The following CFAP299 variants were observed in gnomAD, a reference collection of about 807,000 sequenced individuals.
CFAP299 encodes the protein cilia- and flagella-associated protein 299.
A neutral mutation model predicts 27.0 loss-of-function variants in CFAP299; 21 were observed. The observed-to-expected ratio is 0.78, with a 90% CI of 0.55 to 1.12. The LOEUF (loss-of-function observed/expected upper bound fraction) is 1.12, where lower values mean the gene tolerates loss of function less well. Among genes scored for constraint, CFAP299 ranks in the 50% most tolerant of loss-of-function variants. The pLI, the probability that CFAP299 is intolerant of heterozygous loss-of-function variation, is 0.00. For missense variants in CFAP299, 310 were observed against 276.6 expected (o/e 1.12, Z -0.86); for synonymous variants, 104 against 98.1 (o/e 1.06, Z -0.36).
intron 3 of CFAP299, among the ~76,000 whole-genome samples, chr4:80,631,270 T>A (rs1346660426): frequency 1.3e-5 from 2 of 152,052 alleles, no homozygotes; most frequent in Non-Finnish European, 2.9e-5. Flanking sequence ...TTTGTTGGTA[T>A]AGCATTATAT....
intron 2 of CFAP299, among the ~76,000 whole-genome samples, chr4:80,507,920 C>T (rs1732113432): frequency 6.6e-6 from 1 of 152,160 alleles, no homozygotes; most frequent in South Asian, 2.1e-4. Flanking sequence ...TATCTTCATA[C>T]TATACACTGT....
chr4:80,764,190 TATA>T (rs960734199), intron 3 of CFAP299, among the ~76,000 whole-genome samples: 7 of 152,158 alleles, frequency 4.6e-5, no homozygotes, highest in Non-Finnish European at 8.8e-5. Flanking sequence ...AGAAAAATTT[TATA>T]ATCTATCCAT....
At chr4:80,401,718 T>C (rs886206820) in intron 2 of CFAP299, among the ~76,000 whole-genome samples, 7 of 152,202 alleles carry the variant, frequency 4.6e-5, no homozygotes, top group Non-Finnish European at 1.0e-4. Context: ...ACTGGGTCAC[T>C]GCCTAGTGGA....
intron 2 of CFAP299, among the ~76,000 whole-genome samples, chr4:80,439,914 A>G (rs961329759): frequency 9.9e-5 from 15 of 152,140 alleles, no homozygotes; most frequent in Admixed American, 7.2e-4. Flanking sequence ...TTTTCTTCTC[A>G]CAGTGTAAAC....
At chr4:80,496,270 G>A (rs889953643) in intron 2 of CFAP299, among the ~76,000 whole-genome samples, 2 of 152,138 alleles carry the variant, frequency 1.3e-5, no homozygotes, top group Admixed American at 6.6e-5. Context: ...CTGCAGATGA[G>A]TAGAGTGTGT....
intron 2 of CFAP299, among the ~76,000 whole-genome samples, chr4:80,471,025 A>G (rs563469985): frequency 6.6e-6 from 1 of 152,276 alleles, no homozygotes; most frequent in African/African-American, 2.4e-5. Context: ...GTATTGAGTC[A>G]TGTAATTATC....
chr4:80,689,782 T>C (rs1720523825), intron 3 of CFAP299, among the ~76,000 whole-genome samples: 1 of 152,184 alleles, frequency 6.6e-6, no homozygotes, highest in Non-Finnish European at 1.5e-5. Flanking sequence ...ATCAGTGTGC[T>C]GTATTCAGGA....
intron 3 of CFAP299, among the ~76,000 whole-genome samples, chr4:80,742,117 C>T (rs567588546): frequency 6.6e-6 from 1 of 152,292 alleles, no homozygotes; most frequent in Admixed American, 6.5e-5. Context: ...TCCTGCCCTC[C>T]TCAATGACTC....
At position 80,468,180 on chromosome 4, in the gene CFAP299, G is replaced by A. The variant is rs540425586; in HGVS notation, c.242+105296G>A. Among the ~76,000 whole-genome samples, 15 of 151,948 alleles carry A rather than the reference G, an allele frequency of 9.9e-5. No individual in the cohort carries two copies. The East Asian group carries it at 2.9e-3, about 29-fold the overall frequency. ...TCCGGATTTTTTACTTATAAAGTAA[G>A]ATTGAGCAAAGAAAATATTAAAATA... On this transcript the variant is annotated intron_variant, in intron 2 of 5. Transcript: ENST00000358105.
intron 3 of CFAP299, among the ~76,000 whole-genome samples, chr4:80,859,118 G>A (rs1413518010): frequency 6.6e-6 from 1 of 152,122 alleles, no homozygotes; most frequent in Non-Finnish European, 1.5e-5. Flanking sequence ...TATATATTTA[G>A]GATAGTTAGC....
intron 4 of CFAP299, among the ~76,000 whole-genome samples, chr4:80,877,942 C>T (rs1262694490): frequency 6.6e-6 from 1 of 151,972 alleles, no homozygotes; most frequent in Non-Finnish European, 1.5e-5. Flanking sequence ...TTGAAAGTAG[C>T]TTACAGATTT....
intron 2 of CFAP299, among the ~76,000 whole-genome samples, chr4:80,391,542 A>G (rs1389690703): frequency 1.3e-5 from 2 of 152,196 alleles, no homozygotes; most frequent in African/African-American, 4.8e-5. Context: ...CTGCGTATGC[A>G]AGGTGGTCCC....
the CFAP299 span, among the ~76,000 whole-genome samples, chr4:80,329,877 T>C: frequency 5.3e-5 from 8 of 152,310 alleles, no homozygotes; most frequent in South Asian, 1.7e-3. Context: ...GAGCTAAATA[T>C]ATTTCTCAGA....
chr4:80,887,761 TACA>T (rs1456837735), intron 4 of CFAP299, among the ~76,000 whole-genome samples: 4 of 152,102 alleles, frequency 2.6e-5, no homozygotes, highest in South Asian at 2.1e-4. Context: ...CCATGAAAAC[TACA>T]ACAACTTTTC....
At chr4:80,335,968 C>A in intron 1 of CFAP299, 89 bp downstream of exon 1, 1 of 827,620 alleles carries the variant, frequency 1.2e-6, no homozygotes, top group Non-Finnish European at 2.1e-6. Context: ...CGCCCCCTGG[C>A]GCTGGACAGC....
chr4:80,699,799 A>G (rs958484776), intron 3 of CFAP299, among the ~76,000 whole-genome samples: 1 of 152,182 alleles, frequency 6.6e-6, no homozygotes, highest in Non-Finnish European at 1.5e-5. Context: ...TTCCTGCAAC[A>G]TTATATATGG....
chr4:80,582,435 T>A (rs2109871177), intron 2 of CFAP299, among the ~76,000 whole-genome samples: 1 of 151,974 alleles, frequency 6.6e-6, no homozygotes. Flanking sequence ...AATGAAAAAG[T>A]TTGTGGAATA....
intron 3 of CFAP299, among the ~76,000 whole-genome samples, chr4:80,608,077 A>G (rs926559654): frequency 2.0e-5 from 3 of 152,158 alleles, no homozygotes; most frequent in African/African-American, 7.2e-5. Flanking sequence ...ACAATTTTAT[A>G]TACAAATATA....
At chr4:80,518,605 A>G (rs1035123875) in intron 2 of CFAP299, among the ~76,000 whole-genome samples, 7 of 152,196 alleles carry the variant, frequency 4.6e-5, no homozygotes. Context: ...AAAGCTCTAA[A>G]ATGCTTGAGA....
Sources: gnomAD v4.1 joint callset for allele counts (sites outside exome capture counted in the v4.1 genomes callset) on GRCh38, gnomAD v4.1.1 for gene constraint, MANE v1.5 for transcripts, NCBI Gene and HGNC (gene_info 2026-07-23, HGNC 2026-07-21) for gene names.